The following H2BC18 variants were observed in gnomAD, a reference collection of about 807,000 sequenced individuals.
The protein encoded by H2BC18 is H2B clustered histone 18, also known as histone H2B type 2-F.
In H2BC18, 8 loss-of-function variants were observed where a neutral mutation model predicts 6.3. That is an observed-to-expected ratio of 1.28 (90% CI 0.75 to 2.31). The LOEUF (loss-of-function observed/expected upper bound fraction) is 2.31, where lower values mean the gene tolerates loss of function less well. H2BC18 is among the 30% of genes most tolerant of loss of function. The pLI, the probability that H2BC18 is intolerant of heterozygous loss-of-function variation, is 0.00. For synonymous variants in H2BC18, 104 were observed against 78.1 expected (o/e 1.33, Z -1.75); for missense variants, 106 against 174.5 (o/e 0.61, Z 2.21).
chr1:149,791,335 A>G lies in H2BC18; in HGVS notation c.378-8075T>C, dbSNP rs1553751841. ...CACTGTTCTCTGGGTGACAATACGT[A>G]AAGAACTGAAAAGAAAGAAAAAGTG... On this transcript the variant is annotated intron_variant, in intron 1 of 1. Transcript: ENST00000545683. The G allele has an allele frequency of 3.8e-6, 6 of 1,585,228 alleles. 1 individual carries two copies. The Admixed American group carries it at 1.0e-4, about 27-fold the overall frequency.
At chr1:149,788,924 T>C (rs1436603865) in intron 1 of H2BC18, among the ~76,000 whole-genome samples, 10 of 151,868 alleles carry the variant, frequency 6.6e-5, no homozygotes, top group African/African-American at 2.4e-4. Context: ...ACAGACTCAC[T>C]CTAGGTAGAT....
chr1:149,784,075 A>T (rs1453523229), intron 1 of H2BC18: 4 of 1,611,294 alleles, frequency 2.5e-6, no homozygotes, highest in African/African-American at 1.3e-5. Flanking sequence ...GTAACCTTGC[A>T]CTGTGAGGTG....
downstream of H2BC18, among the ~76,000 whole-genome samples, chr1:149,810,211 T>C (rs1273140372): frequency 6.6e-6 from 1 of 152,094 alleles, no homozygotes; most frequent in Non-Finnish European, 1.5e-5. Flanking sequence ...CCCAACTGTA[T>C]AGAAAATAGA....
Position 149,812,331 on chromosome 1 carries a change from C to T in H2BC18, c.-8G>A, listed in dbSNP as rs139776319. On this transcript the variant is annotated 5_prime_UTR_variant, in exon 1 of 1. Coordinates refer to ENST00000369167, the MANE Select transcript of H2BC18 (RefSeq NM_001024599.5). ...TTTCGCTGGATCCGGCATTTTTGCG[C>T]GAAAAAAGAGAAAAGAGACTTAAAG... 0.069 allele frequency: 111,889 copies of T among 1,612,422 alleles called. 4,546 individuals carry two copies. The highest frequency in any genetic ancestry group is 0.083 in the Non-Finnish European group (97,518 of 1,179,576).
In H2BC18 at chr1:149,812,274, T is replaced by C. The variant is rs1290061229; in HGVS notation, c.50A>G (p.Lys17Arg). 1 of 1,614,224 alleles carries C rather than the reference T, an allele frequency of 6.2e-7. No individual in the cohort carries two copies. Among genetic ancestry groups the C allele is most frequent in the Admixed American group, 1.7e-5 (1 of 60,034 alleles). ...CTTCTTCTGCACTTTCGTAACAGCC[T>C]TTTTGGAGCCCTTCTTGGGAGCAGG... ...SAPAPKKGSKKAVTKVQKKDG... is the reference protein window; with the variant it reads ...SAPAPKKGSKRAVTKVQKKDG... The change falls in exon 1 of 1, where the codon AAG becomes AGG. Residue 17 changes from lysine to arginine, a missense_variant. This residue lies in a region of H2BC18 where 70 missense variants were observed against 64.6 expected (regional missense o/e 1.08). Coordinates refer to ENST00000369167, the MANE Select transcript of H2BC18 (RefSeq NM_001024599.5).
chr1:149,792,754 GA>G (rs2091743646), intron 1 of H2BC18: 1 of 1,283,630 alleles, frequency 7.8e-7, no homozygotes, highest in Non-Finnish European at 1.0e-6. Context: ...AACCCAGTGA[GA>G]AATTATTTGC....
At chr1:149,789,260 G>A (rs1248368586) in intron 1 of H2BC18, among the ~76,000 whole-genome samples, 12 of 152,124 alleles carry the variant, frequency 7.9e-5, no homozygotes, top group South Asian at 4.2e-4. Context: ...CTGAAATGTG[G>A]CGGGCACCTG....
chr1:149,796,236 G>T (rs1307410186), intron 1 of H2BC18, among the ~76,000 whole-genome samples: 1 of 152,160 alleles, frequency 6.6e-6, no homozygotes, highest in Non-Finnish European at 1.5e-5. Flanking sequence ...ATTAAAAAAA[G>T]AATAAATTGT....
rs1299935700 is a variant in H2BC18 at position 149,796,829 on chromosome 1, C to T, written c.378-13569G>A. On this transcript the variant is annotated intron_variant, in intron 1 of 1. Transcript: ENST00000545683. Reference sequence around the variant, plus strand: ...CTGTTGTCATTGCCTCACACTCAGTCGGTGGCTTTTAATACTATTCTATTA... The same window carrying T: ...CTGTTGTCATTGCCTCACACTCAGTTGGTGGCTTTTAATACTATTCTATTA... Among the ~76,000 whole-genome samples, 8 of 152,330 alleles carry T rather than the reference C, an allele frequency of 5.3e-5. No homozygotes were observed. In the South Asian group the frequency reaches 6.2e-4, roughly 12 times the overall value.
chr1:149,791,567 C>T, intron 1 of H2BC18: 1 of 1,608,578 alleles, frequency 6.2e-7, no homozygotes, highest in Non-Finnish European at 8.5e-7. Flanking sequence ...TGCCCACTTG[C>T]TCCCCGTGAG....
chr1:149,790,003 G>C, intron 1 of H2BC18: 1 of 1,613,006 alleles, frequency 6.2e-7, no homozygotes, highest in Non-Finnish European at 8.5e-7. Context: ...TTTGTGAAAA[G>C]GACCTGGATG....
At chr1:149,793,137 C>G (rs1397544059) in intron 1 of H2BC18, 3 of 1,274,972 alleles carry the variant, frequency 2.4e-6, no homozygotes, top group Non-Finnish European at 3.0e-6. Flanking sequence ...CCGGCCGAGC[C>G]TCCGCGGAGA....
intron 1 of H2BC18, among the ~76,000 whole-genome samples, chr1:149,789,334 A>G (rs1233856620): frequency 2.0e-5 from 3 of 152,150 alleles, no homozygotes; most frequent in Admixed American, 2.0e-4. Context: ...CGGAGCTTGC[A>G]GTGAGCTGAG....
chr1:149,796,355 A>G (rs2091800227), intron 1 of H2BC18, among the ~76,000 whole-genome samples: 2 of 152,222 alleles, frequency 1.3e-5, no homozygotes, highest in Admixed American at 1.3e-4. Flanking sequence ...GGGATTCTCG[A>G]GAAGTAAATT....
chr1:149,804,323 A>C (rs1323823125), intron 1 of H2BC18, among the ~76,000 whole-genome samples: 1 of 152,232 alleles, frequency 6.6e-6, no homozygotes, highest in Non-Finnish European at 1.5e-5. Context: ...TTTATAGAGC[A>C]CTAGTAACAG....
intron 1 of H2BC18, among the ~76,000 whole-genome samples, chr1:149,797,540 C>T (rs1293900587): frequency 1.3e-5 from 2 of 152,164 alleles, no homozygotes; most frequent in Non-Finnish European, 2.9e-5. Flanking sequence ...GTTTCATTGA[C>T]TATGCTTTCA....
intron 1 of H2BC18, among the ~76,000 whole-genome samples, chr1:149,784,523 G>A (rs2091487398): frequency 6.6e-6 from 1 of 151,978 alleles, no homozygotes; most frequent in Non-Finnish European, 1.5e-5. Context: ...TATTCCAAAT[G>A]TATGCCTGTA....
intron 1 of H2BC18, among the ~76,000 whole-genome samples, chr1:149,789,208 C>T (rs1392876450): frequency 6.6e-6 from 1 of 151,364 alleles, no homozygotes; most frequent in East Asian, 1.9e-4. Context: ...AAATTATTGT[C>T]CCAGATTATC....
At chr1:149,789,923 TAAAAAGGGTTAATGCCTTATGG>T (rs2091658821) in intron 1 of H2BC18, 1 of 1,571,284 alleles carries the variant, frequency 6.4e-7, no homozygotes. Flanking sequence ...CTGCTGGAAG[TAAAAAGGGTTAATGCCTTATGG>T]ATGCATTTTC....
Sources: allele counts gnomAD v4.1 joint callset (sites outside exome capture counted in the v4.1 genomes callset), GRCh38; gene constraint gnomAD v4.1.1; regional missense constraint gnomAD v4.1.1; transcripts MANE v1.5; gene names NCBI Gene and HGNC (gene_info 2026-07-23, HGNC 2026-07-21).